The following EPM2A variants were observed in gnomAD, a reference collection of about 807,000 sequenced individuals.
EPM2A encodes the protein EPM2A glucan phosphatase, laforin.
In EPM2A, 21 loss-of-function variants were observed where a neutral mutation model predicts 26.5. The ratio of observed to expected loss-of-function variants is 0.79; its 90% confidence interval spans 0.56 to 1.14. The LOEUF is 1.14. EPM2A is among the 50% of genes most tolerant of loss of function. The probability of loss-of-function intolerance (pLI) is 0.00; values close to 1 mark genes in which losing one functional copy is unlikely to be tolerated. For synonymous variants in EPM2A, 217 were observed against 177.6 expected, an observed-to-expected ratio of 1.22 and a Z score of -1.76; for missense variants, 458 against 440.8, an observed-to-expected ratio of 1.04 and a Z score of -0.35.
At chr6:145,589,000 G>A (rs761272361) in intron 2 of EPM2A, among the ~76,000 whole-genome samples, 5 of 152,174 alleles carry the variant, frequency 3.3e-5, no homozygotes, top group South Asian at 4.1e-4. Context: ...CCAGGCTGAG[G>A]AAAAGTGGAA....
intron 2 of EPM2A, among the ~76,000 whole-genome samples, chr6:145,643,751 C>T (rs1231865052): frequency 6.6e-6 from 1 of 151,974 alleles, no homozygotes; most frequent in East Asian, 1.9e-4. Context: ...GTCTTCTTCA[C>T]TGCCAACTAT....
intron 4 of EPM2A, among the ~76,000 whole-genome samples, chr6:145,457,324 A>G (rs1779273730): frequency 1.3e-5 from 2 of 151,962 alleles, no homozygotes; most frequent in South Asian, 4.2e-4. Flanking sequence ...TCTGTACTGA[A>G]AAAACAAACA....
At chr6:145,680,527 G>A (rs909501605) in intron 2 of EPM2A, among the ~76,000 whole-genome samples, 7 of 151,972 alleles carry the variant, frequency 4.6e-5, no homozygotes, top group African/African-American at 1.7e-4. Context: ...ATCTCCTAAA[G>A]CTATCCCTCC....
At chr6:145,632,038 G>C (rs1269759031) in intron 3 of EPM2A, 1 of 152,044 alleles carries the variant, frequency 6.6e-6, no homozygotes, top group East Asian at 1.9e-4. Context: ...TAAAGACTTG[G>C]AACTAATCCT....
At chr6:145,693,343 T>A (rs992214986) in intron 1 of EPM2A, among the ~76,000 whole-genome samples, 4 of 152,036 alleles carry the variant, frequency 2.6e-5, no homozygotes, top group African/African-American at 9.7e-5. Context: ...AGGTATAAAA[T>A]CATATCATCT....
intron 2 of EPM2A, among the ~76,000 whole-genome samples, chr6:145,685,619 T>G (rs1304182187): frequency 6.6e-6 from 1 of 152,150 alleles, no homozygotes; most frequent in Non-Finnish European, 1.5e-5. Flanking sequence ...TATGTTTTAT[T>G]TAGCAACCTC....
intron 4 of EPM2A, among the ~76,000 whole-genome samples, chr6:145,394,232 T>C (rs1778375832): frequency 6.6e-6 from 1 of 152,162 alleles, no homozygotes; most frequent in African/African-American, 2.4e-5. Flanking sequence ...CAAGTTCATA[T>C]TTCTTTTTCT....
intron 2 of EPM2A, among the ~76,000 whole-genome samples, chr6:145,579,461 C>T (rs1781083159): frequency 1.3e-5 from 2 of 152,214 alleles, no homozygotes; most frequent in Non-Finnish European, 2.9e-5. Context: ...TGCCTGAAAA[C>T]TTTCTATGCT....
intron 4 of EPM2A, among the ~76,000 whole-genome samples, chr6:145,402,355 A>C (rs998856235): frequency 3.9e-5 from 6 of 152,160 alleles, no homozygotes; most frequent in Non-Finnish European, 8.8e-5. Flanking sequence ...ATAACTGACT[A>C]GTACCCTTCA....
intron 2 of EPM2A, among the ~76,000 whole-genome samples, chr6:145,567,809 C>G (rs1425436723): frequency 6.6e-6 from 1 of 152,166 alleles, no homozygotes; most frequent in Non-Finnish European, 1.5e-5. Flanking sequence ...GCAGAGAGAG[C>G]CCAGCCATCA....
At chr6:145,575,118 C>CAGGGA (rs1252669705) in intron 2 of EPM2A, among the ~76,000 whole-genome samples, 14 of 152,148 alleles carry the variant, frequency 9.2e-5, no homozygotes, top group Admixed American at 3.3e-4. Context: ...GGGGAGGCCA[C>CAGGGA]CACTGTGTCC....
Position 145,384,585 on chromosome 6 carries a change from T to G in EPM2A, c.556-488A>C, listed in dbSNP as rs374721491. Among the ~76,000 whole-genome samples, 17 of 147,720 alleles carry G rather than the reference T, an allele frequency of 1.2e-4. No homozygotes were observed. The East Asian group carries it at 3.4e-3, about 29-fold the overall frequency. ...AACCCCTCATTGATCTGGCATTGGC[T>G]GCAGGCTACCTCAGGGCAGGTGGGG... On this transcript the variant is annotated intron_variant, in intron 4 of 4. Transcript: ENST00000638717.
chr6:145,473,971 AG>A (rs1213707907), intron 4 of EPM2A, among the ~76,000 whole-genome samples: 4 of 152,186 alleles, frequency 2.6e-5, no homozygotes, highest in African/African-American at 9.6e-5. Flanking sequence ...AATCATCTGA[AG>A]GTACAAAACT....
chr6:145,618,026 T>G (rs1181186341), intron 2 of EPM2A, among the ~76,000 whole-genome samples: 2 of 152,200 alleles, frequency 1.3e-5, no homozygotes, highest in African/African-American at 4.8e-5. Context: ...GGCTTAACTG[T>G]CATAGAATGG....
At chr6:145,569,850 T>TATCC (rs1166315995) in intron 2 of EPM2A, among the ~76,000 whole-genome samples, 15 of 120,950 alleles carry the variant, frequency 1.2e-4, no homozygotes, top group African/African-American at 3.4e-4. Flanking sequence ...ACTAATGGAA[T>TATCC]ATACATATAT....
At position 145,705,529 on chromosome 6, in the gene EPM2A, T is replaced by C. The variant is rs761727816; in HGVS notation, c.302-19233A>G. 16 of 456,094 alleles carry C rather than the reference T, an allele frequency of 3.5e-5. No individual in the cohort carries two copies. In the East Asian group the frequency reaches 1.0e-3, roughly 30 times the overall value. The allele number at this position is 456,094 out of a possible 1,614,324, so 28.3% of individuals were successfully genotyped here. On this transcript the variant is annotated intron_variant, in intron 1 of 3. Coordinates refer to ENST00000367519, the MANE Select transcript of EPM2A (RefSeq NM_005670.4). Reference sequence around the variant, plus strand: ...AAGATTACGCCACTGCACTCCAGCCTGGGCGACAGACTGAGACCCTGTCTC... The same window carrying C: ...AAGATTACGCCACTGCACTCCAGCCCGGGCGACAGACTGAGACCCTGTCTC...
chr6:145,463,482 A>T (rs1432449442), intron 4 of EPM2A: 1 of 152,150 alleles, frequency 6.6e-6, no homozygotes, highest in East Asian at 1.9e-4. Flanking sequence ...ATGCACATAC[A>T]TACATATAAT....
intron 4 of EPM2A, among the ~76,000 whole-genome samples, chr6:145,440,300 C>T (rs978168616): frequency 1.3e-5 from 2 of 152,128 alleles, no homozygotes; most frequent in Admixed American, 1.3e-4. Context: ...ACCATGAGAA[C>T]AGTATGGGGG....
chr6:145,582,485 T>G (rs895139532), intron 2 of EPM2A, among the ~76,000 whole-genome samples: 1 of 152,240 alleles, frequency 6.6e-6, no homozygotes, highest in African/African-American at 2.4e-5. Context: ...CAGGTCCCAA[T>G]TATCTTCTGA....
Sources: gnomAD v4.1 joint callset for allele counts (sites outside exome capture counted in the v4.1 genomes callset) on GRCh38, gnomAD v4.1.1 for gene constraint, MANE v1.5 for transcripts, NCBI Gene and HGNC (gene_info 2026-07-23, HGNC 2026-07-21) for gene names.